COL18A1: variants seen among roughly 807,000 people sequenced by gnomAD.
COL18A1 encodes collagen type XVIII alpha 1 chain.
COL18A1 carries 133 observed loss-of-function variants against 168.0 expected under a neutral mutation model. The observed-to-expected ratio is 0.79, with a 90% CI of 0.69 to 0.91. The LOEUF (loss-of-function observed/expected upper bound fraction) is 0.91. Ranked by LOEUF, COL18A1 falls within the 40% of genes least tolerant of loss-of-function variation. The pLI is 0.00. For synonymous variants in COL18A1, 949 were observed against 809.0 expected, an observed-to-expected ratio of 1.17 and a Z score of -2.94; for missense variants, 2,126 against 1,925.4, an observed-to-expected ratio of 1.10 and a Z score of -1.95.
chr21:45,417,694 C>G (rs902438103), intron 2 of COL18A1, among the ~76,000 whole-genome samples: 6 of 152,160 alleles, frequency 3.9e-5, no homozygotes, highest in Non-Finnish European at 7.4e-5. Context: ...GGTGACCGCT[C>G]TCGGCCGGGG....
chr21:45,510,344 C>G, intron 40 of COL18A1, 83 bp downstream of exon 40: 2 of 1,442,568 alleles, frequency 1.4e-6, no homozygotes, highest in Non-Finnish European at 1.9e-6. Flanking sequence ...GAGCTCCCCT[C>G]TAGGGCCTCT....
At chr21:45,490,949 G>A in intron 21 of COL18A1, 78 bp downstream of exon 21, 1 of 1,376,916 alleles carries the variant, frequency 7.3e-7, no homozygotes, top group Non-Finnish European at 1.0e-6. Context: ...GCTGCCCCAG[G>A]TCCGTGCCCC....
chr21:45,492,657 C>T (rs772261652), intron 23 of COL18A1, 30 bp from the exon 24 acceptor site: 2 of 1,611,072 alleles, frequency 1.2e-6, no homozygotes, highest in Non-Finnish European at 1.7e-6. Flanking sequence ...TGCGTGATGA[C>T]CCCAGCTGAC....
At chr21:45,504,105 G>T in intron 33 of COL18A1, 51 bp downstream of exon 33, 3 of 1,582,890 alleles carry the variant, frequency 1.9e-6, no homozygotes, top group Non-Finnish European at 2.6e-6. Context: ...TGTACATCCC[G>T]CTGGGTGGCT....
chr21:45,414,396 C>G (rs2838907), intron 2 of COL18A1, among the ~76,000 whole-genome samples: 77,002 of 152,186 alleles, frequency 0.51, 21,515 homozygotes, highest in Middle Eastern at 0.65. Context: ...GGGCTCCAGT[C>G]CGACCTACTC....
chr21:45,504,698 C>A (rs2037083046), intron 34 of COL18A1, 142 bp downstream of exon 34: 5 of 739,740 alleles, frequency 6.8e-6, no homozygotes, highest in Non-Finnish European at 1.1e-5. Flanking sequence ...GTCCCTGTCC[C>A]CGTGTGGGGA....
At chr21:45,477,726 G>T in intron 7 of COL18A1, 24 bp from the exon 8 acceptor site, 1 of 1,520,118 alleles carries the variant, frequency 6.6e-7, no homozygotes, top group Non-Finnish European at 8.8e-7. Flanking sequence ...CCCAGCCCGA[G>T]CCCTGTGTTC....
intron 3 of COL18A1, among the ~76,000 whole-genome samples, chr21:45,469,486 C>T (rs1322487614): frequency 2.0e-5 from 3 of 152,230 alleles, no homozygotes; most frequent in Non-Finnish European, 4.4e-5. Context: ...TGGTGGGAGT[C>T]CCCCAGCGGT....
chr21:45,465,208 C>T (rs1009071867), intron 2 of COL18A1, among the ~76,000 whole-genome samples: 3 of 152,214 alleles, frequency 2.0e-5, no homozygotes, highest in Admixed American at 6.5e-5. Flanking sequence ...GCGGGTTCAT[C>T]GCACAGCCTC....
intron 2 of COL18A1, among the ~76,000 whole-genome samples, chr21:45,451,406 C>T (rs2034619432): frequency 6.6e-6 from 1 of 152,208 alleles, no homozygotes; most frequent in East Asian, 1.9e-4. Flanking sequence ...GTTGTCATAA[C>T]TGAGAGCCAG....
chr21:45,503,064 A>G (rs1439154668), intron 32 of COL18A1: 1 of 152,194 alleles, frequency 6.6e-6, no homozygotes, highest in Admixed American at 6.5e-5. Flanking sequence ...AGCATGATTT[A>G]TAGTCCTTTG....
intron 37 of COL18A1, 191 bp downstream of exon 37, chr21:45,506,157 G>A: frequency 1.3e-6 from 1 of 792,530 alleles, no homozygotes; most frequent in South Asian, 1.6e-5. Flanking sequence ...TTAAAGAAAA[G>A]TGAGCTCAAG....
intron 2 of COL18A1, among the ~76,000 whole-genome samples, chr21:45,431,032 C>T (rs1206796010): frequency 6.6e-6 from 1 of 152,240 alleles, no homozygotes; most frequent in Non-Finnish European, 1.5e-5. Context: ...GGACTGTTCT[C>T]AGGCAGGCAC....
At position 45,497,649 on chromosome 21, in the gene COL18A1, C is replaced by T. The variant is rs777661365; in HGVS notation, c.2671C>T (p.Pro891Ser). 2.2e-5 allele frequency: 35 copies of T among 1,567,716 alleles called. No individual in the cohort carries two copies. Among genetic ancestry groups the T allele is most frequent in the Non-Finnish European group, 2.4e-5 (28 of 1,156,768 alleles). ...GGGCGCCAAAGGAGAAGTGGGCCCC[C>T]CCGGACCACCAGGTGAGCAACTCTG... ...PKGAKGEVGP[P>S]GPPGQFPFDF... is the part of the protein sequence containing the mutation. Residue 891 changes from proline (P) to serine (S), a missense_variant, in exon 32 of 42, where the codon CCC (proline) becomes TCC (serine). Transcript: ENST00000651438.
At chr21:45,480,186 C>G (rs75859100) in intron 11 of COL18A1, 30 bp downstream of exon 11, 1 of 1,326,556 alleles carries the variant, frequency 7.5e-7, no homozygotes, top group South Asian at 1.2e-5. Flanking sequence ...TCCTGCGACC[C>G]GGGGTCTGCC....
chr21:45,505,433 TAA>T lies in COL18A1; in HGVS notation c.3087+3_3087+4del. The T allele has an allele frequency of 6.5e-7, 1 of 1,528,252 alleles. No individual in the cohort carries two copies. Among genetic ancestry groups the T allele is most frequent in the Non-Finnish European group, 9.0e-7 (1 of 1,115,462 alleles). 94.7% of individuals were successfully genotyped at this position (1,528,252 alleles called of 1,614,324 possible). On this transcript the variant is annotated splice_donor_region_variant and intron_variant, in intron 36 of 41. Coordinates refer to ENST00000651438, the MANE Select transcript of COL18A1 (RefSeq NM_001379500.1). ...GGAACCATGGGCGCCTCCTCAGGGG[TAA>T]GTGTCTGGGCAGCCGGCTGGGCACC...
intron 2 of COL18A1, chr21:45,467,141 G>A (rs1321890183): frequency 1.4e-6 from 1 of 736,766 alleles, no homozygotes; most frequent in African/African-American, 1.9e-5. Context: ...TGGCACGGCA[G>A]GTGTGCTGGG....
chr21:45,448,589 G>A (rs1423450385), intron 2 of COL18A1, among the ~76,000 whole-genome samples: 1 of 152,244 alleles, frequency 6.6e-6, no homozygotes, highest in Non-Finnish European at 1.5e-5. Context: ...GTGAGCCGCA[G>A]CATCTCCACA....
intron 38 of COL18A1, among the ~76,000 whole-genome samples, chr21:45,508,671 G>C (rs1021311663): frequency 3.9e-5 from 6 of 152,214 alleles, no homozygotes; most frequent in Admixed American, 6.5e-5. Context: ...GCTCCACAGC[G>C]GCCTGTCTCC....
Sources: allele counts gnomAD v4.1 joint callset (sites outside exome capture counted in the v4.1 genomes callset), GRCh38; gene constraint gnomAD v4.1.1; transcripts MANE v1.5; gene names NCBI Gene and HGNC (gene_info 2026-07-23, HGNC 2026-07-21).